KYAT1: variants seen among roughly 807,000 people sequenced by gnomAD.
The protein encoded by KYAT1 is kynurenine--oxoglutarate transaminase 1.
Under a neutral mutation model 52.4 loss-of-function variants are expected in KYAT1, and 47 were observed. The ratio of observed to expected loss-of-function variants is 0.90; its 90% confidence interval spans 0.71 to 1.14. KYAT1 has a LOEUF of 1.14. KYAT1 is among the 50% of genes most tolerant of loss of function. The pLI, the probability that KYAT1 is intolerant of heterozygous loss-of-function variation, is 0.00. For synonymous variants in KYAT1, 212 were observed against 209.6 expected (o/e 1.01, Z -0.10); for missense variants, 480 against 557.9 (o/e 0.86, Z 1.41).
intron 1 of KYAT1, chr9:128,847,509 G>A (rs1833297800): frequency 6.5e-7 from 1 of 1,535,872 alleles, no homozygotes; most frequent in Non-Finnish European, 8.7e-7. Flanking sequence ...CACAGAGATG[G>A]CTGCTGCAGT....
At chr9:128,834,928 A>T (rs1830746631) in intron 11 of KYAT1, among the ~76,000 whole-genome samples, 2 of 151,040 alleles carry the variant, frequency 1.3e-5, no homozygotes, top group Non-Finnish European at 2.9e-5. Context: ...CAAGGTCAGG[A>T]GATCAAGACC....
chr9:128,865,308 CATATAT>C (rs869044608), intron 1 of KYAT1, among the ~76,000 whole-genome samples: 30 of 36,844 alleles, frequency 8.1e-4, no homozygotes, highest in Middle Eastern at 0.014. Flanking sequence ...GCAGAGCCTA[CATATAT>C]ATATATATAT....
intron 2 of KYAT1, among the ~76,000 whole-genome samples, chr9:128,843,530 C>T (rs1387312247): frequency 1.3e-5 from 2 of 152,096 alleles, no homozygotes; most frequent in Admixed American, 6.6e-5. Flanking sequence ...AGGCACCCGC[C>T]ACCACGCCCA....
rs71383618 is a variant in KYAT1, at chr9:128,876,409, C to CTTTTTTT, written c.-7+5481_-7+5487dup. Among the ~76,000 whole-genome samples the CTTTTTTT allele has an allele frequency of 8.8e-5, 11 of 124,500 alleles. 1 individual carries two copies. The highest frequency in any genetic ancestry group is 7.0e-4 in the East Asian group (3 of 4,270). The allele number at this position is 124,500 out of a possible 152,430, so 81.7% of individuals were successfully genotyped here. A position where few individuals can be genotyped will look rare whatever the true frequency, so the allele number is the denominator to read the frequency against. On this transcript the variant is annotated intron_variant, in intron 1 of 12. Transcript: ENST00000302586. ...ACACCACACCCAGTCATCCTTTGTT[C>CTTTTTTT]TTTTTTTTTTTTTTTTTTCTGTTTT...
intron 1 of KYAT1, among the ~76,000 whole-genome samples, chr9:128,858,034 A>T (rs1834906416): frequency 6.6e-6 from 1 of 152,208 alleles, no homozygotes; most frequent in South Asian, 2.1e-4. Flanking sequence ...TAAGAAAATG[A>T]AAAGACAGCC....
intron 1 of KYAT1, among the ~76,000 whole-genome samples, chr9:128,846,224 T>A (rs1833072680): frequency 1.3e-5 from 2 of 151,856 alleles, no homozygotes; most frequent in Non-Finnish European, 2.9e-5. Context: ...AGGTCAGGAG[T>A]TCGAGACCAG....
intron 1 of KYAT1, among the ~76,000 whole-genome samples, chr9:128,873,618 A>C (rs1837550064): frequency 6.6e-6 from 1 of 151,744 alleles, no homozygotes; most frequent in Non-Finnish European, 1.5e-5. Flanking sequence ...CTAAAATTAC[A>C]AAAAAAATTA....
intron 1 of KYAT1, among the ~76,000 whole-genome samples, chr9:128,877,690 C>T (rs1410785100): frequency 1.3e-5 from 2 of 152,260 alleles, no homozygotes; most frequent in South Asian, 2.1e-4. Flanking sequence ...GGTGGCCCCA[C>T]GTCACATCAC....
Position 128,842,645 on chromosome 9 carries a change from G to A in KYAT1, c.201+9C>T, listed in dbSNP as rs1381154560. ...CCCCAGTGCCTCCACGAGAGATGGG[G>A]AGACTCACAAATGTCTTGGTGTACT... is the stretch of plus-strand genomic sequence containing the variant. On this transcript the variant is annotated intron_variant, in intron 3 of 12. Coordinates refer to ENST00000302586, the MANE Select transcript of KYAT1 (RefSeq NM_004059.5). 9.3e-6 allele frequency: 15 copies of A among 1,612,134 alleles called. No individual in the cohort carries two copies. Among genetic ancestry groups the A allele is most frequent in the Non-Finnish European group, 1.2e-5 (14 of 1,178,570 alleles).
At chr9:128,869,460 AC>A (rs1836922190) in intron 1 of KYAT1, among the ~76,000 whole-genome samples, 1 of 152,080 alleles carries the variant, frequency 6.6e-6, no homozygotes, top group South Asian at 2.1e-4. Flanking sequence ...CGTACCCGGC[AC>A]CAAGCCCATT....
intron 11 of KYAT1, among the ~76,000 whole-genome samples, chr9:128,834,510 C>T (rs535067049): frequency 2.9e-4 from 44 of 152,130 alleles, no homozygotes; most frequent in African/African-American, 1.1e-3. Context: ...GCCCACACAG[C>T]ATCTCTGTGC....
At position 128,850,658 on chromosome 9, in the gene KYAT1, A is replaced by G. The variant is rs373168055; in HGVS notation, c.-6-5247T>C. On this transcript the variant is annotated intron_variant, in intron 1 of 12. Transcript: ENST00000302586. ...AAAGACCTGACCGTCCCCCAGCCCA[A>G]CACCTGTAAAGGGTCTGTGCTGAGG... Among the ~76,000 whole-genome samples the G allele has an allele frequency of 3.7e-4, 57 of 152,344 alleles. 1 individual carries two copies. In the East Asian group the frequency reaches 0.011, roughly 28 times the overall value.
intron 1 of KYAT1, among the ~76,000 whole-genome samples, chr9:128,858,716 G>C (rs1197025559): frequency 6.6e-6 from 1 of 151,232 alleles, no homozygotes; most frequent in Non-Finnish European, 1.5e-5. Context: ...AAAAGAAAAA[G>C]AATGTTTTAG....
chr9:128,868,655 A>G lies in KYAT1; in HGVS notation c.-7+13242T>C, dbSNP rs147550521. ...AGAGTCAAGCAATCTTCCTGCCTCA[A>G]TTTCCTGAGTAGCTGGGACTACAGG... On this transcript the variant is annotated intron_variant, in intron 1 of 12. Transcript: ENST00000302586. Among the ~76,000 whole-genome samples the G allele has an allele frequency of 7.5e-3, 1,137 of 150,986 alleles. 8 individuals are homozygous for G. The highest frequency in any genetic ancestry group is 0.019 in the African/African-American group (787 of 41,058).
chr9:128,868,063 G>GCGCTTGGC (rs201046360), intron 1 of KYAT1, among the ~76,000 whole-genome samples: 7,261 of 151,246 alleles, frequency 0.048, 195 homozygotes, highest in Middle Eastern at 0.077. Context: ...GTGAGCCACT[G>GCGCTTGGC]CGCTTGGCCC....
intron 1 of KYAT1, among the ~76,000 whole-genome samples, chr9:128,866,054 A>G (rs1163903537): frequency 6.6e-6 from 1 of 152,172 alleles, no homozygotes; most frequent in Non-Finnish European, 1.5e-5. Context: ...GCCATATGGT[A>G]AGTGTACATC....
intron 2 of KYAT1, among the ~76,000 whole-genome samples, chr9:128,844,843 G>A (rs1030388205): frequency 7.2e-5 from 11 of 152,172 alleles, no homozygotes; most frequent in African/African-American, 2.7e-4. Context: ...CAGCCTGGGC[G>A]ACAAGGGCAA....
intron 1 of KYAT1, among the ~76,000 whole-genome samples, chr9:128,848,462 T>C (rs570747312): frequency 6.6e-6 from 1 of 151,842 alleles, no homozygotes; most frequent in Non-Finnish European, 1.5e-5. Flanking sequence ...TATAAGTCAA[T>C]TGAATAGAAC....
chr9:128,873,382 T>G (rs1837518727), intron 1 of KYAT1, among the ~76,000 whole-genome samples: 1 of 149,974 alleles, frequency 6.7e-6, no homozygotes, highest in African/African-American at 2.4e-5. Context: ...AAAAAACTAA[T>G]AAGAACTTAG....
Sources: allele counts gnomAD v4.1 joint callset (sites outside exome capture counted in the v4.1 genomes callset), GRCh38; gene constraint gnomAD v4.1.1; transcripts MANE v1.5; gene names NCBI Gene and HGNC (gene_info 2026-07-23, HGNC 2026-07-21).